ZNF804A: variants seen among roughly 807,000 people sequenced by gnomAD.
ZNF804A encodes the protein zinc finger protein 804A.
In ZNF804A, 2 loss-of-function variants were observed where a neutral mutation model predicts 16.5. That is an observed-to-expected ratio of 0.12 (90% CI 0.05 to 0.38). The LOEUF is 0.38. Among genes scored for constraint, ZNF804A ranks in the 10% least tolerant of loss-of-function variants. The probability of loss-of-function intolerance (pLI) is 0.99; values close to 1 mark genes in which losing one functional copy is unlikely to be tolerated. For synonymous variants in ZNF804A, 534 were observed against 489.6 expected (o/e 1.09, Z -1.20); for missense variants, 1,473 against 1,390.7 (o/e 1.06, Z -0.94).
intron 2 of ZNF804A, among the ~76,000 whole-genome samples, chr2:184,917,573 A>G (rs1273240082): frequency 6.6e-6 from 1 of 152,076 alleles, no homozygotes; most frequent in Non-Finnish European, 1.5e-5. Context: ...AAAAAAGACC[A>G]TATTCCCAAA....
At chr2:184,840,261 C>T (rs1349693475) in intron 1 of ZNF804A, among the ~76,000 whole-genome samples, 1 of 151,982 alleles carries the variant, frequency 6.6e-6, no homozygotes, top group African/African-American at 2.4e-5. Context: ...ATGGTGGCAC[C>T]CACCTGTAAT....
intron 2 of ZNF804A, among the ~76,000 whole-genome samples, chr2:184,869,616 T>A (rs1026017917): frequency 6.6e-6 from 1 of 152,046 alleles, no homozygotes; most frequent in Non-Finnish European, 1.5e-5. Flanking sequence ...TTATTATTAT[T>A]ACTTACTAAA....
At chr2:184,690,154 C>T (rs1692705946) in intron 1 of ZNF804A, among the ~76,000 whole-genome samples, 1 of 149,896 alleles carries the variant, frequency 6.7e-6, no homozygotes, top group South Asian at 2.1e-4. Flanking sequence ...GTTTGCCCTA[C>T]CGATGAAAAT....
At chr2:184,858,841 A>T (rs1224371729) in intron 1 of ZNF804A, among the ~76,000 whole-genome samples, 1 of 152,166 alleles carries the variant, frequency 6.6e-6, no homozygotes, top group Non-Finnish European at 1.5e-5. Flanking sequence ...TTTGTAAGAC[A>T]AGTCTAATGA....
At chr2:184,828,797 T>G (rs1055679838) in intron 1 of ZNF804A, among the ~76,000 whole-genome samples, 2 of 151,878 alleles carry the variant, frequency 1.3e-5, no homozygotes, top group Non-Finnish European at 1.5e-5. Context: ...CTTTTCTAGA[T>G]TTCAGTTAAA....
chr2:184,796,521 T>A (rs952433173), intron 1 of ZNF804A, among the ~76,000 whole-genome samples: 6 of 152,194 alleles, frequency 3.9e-5, no homozygotes, highest in African/African-American at 1.2e-4. Context: ...ATAAAAGTGT[T>A]CATAGTGGCC....
intron 1 of ZNF804A, among the ~76,000 whole-genome samples, chr2:184,628,400 AG>A (rs1691543705): frequency 6.6e-6 from 1 of 152,198 alleles, no homozygotes; most frequent in Non-Finnish European, 1.5e-5. Context: ...ATTGTTTAAA[AG>A]CAGATATGGA....
chr2:184,791,220 T>C (rs1483592445), intron 1 of ZNF804A, among the ~76,000 whole-genome samples: 1 of 152,160 alleles, frequency 6.6e-6, no homozygotes, highest in Non-Finnish European at 1.5e-5. Flanking sequence ...TGTAGTGTTG[T>C]TGGCTAGTTG....
chr2:184,862,467 C>T (rs942836509), intron 1 of ZNF804A, among the ~76,000 whole-genome samples: 4 of 152,120 alleles, frequency 2.6e-5, no homozygotes, highest in Non-Finnish European at 5.9e-5. Flanking sequence ...AAGTCTGGCT[C>T]AAATGTTTGT....
intron 2 of ZNF804A, among the ~76,000 whole-genome samples, chr2:184,917,467 G>GT (rs951822187): frequency 2.6e-5 from 4 of 152,004 alleles, no homozygotes; most frequent in Non-Finnish European, 5.9e-5. Flanking sequence ...ACAAATATGT[G>GT]TGTGTGTGTA....
At chr2:184,844,208 C>A (rs1406833973) in intron 1 of ZNF804A, among the ~76,000 whole-genome samples, 1 of 150,192 alleles carries the variant, frequency 6.7e-6, no homozygotes, top group Non-Finnish European at 1.5e-5. Flanking sequence ...TGCTGTGATT[C>A]ATTTCATTTA....
intron 2 of ZNF804A, among the ~76,000 whole-genome samples, chr2:184,873,181 C>A (rs1696000560): frequency 6.6e-6 from 1 of 152,054 alleles, no homozygotes; most frequent in Non-Finnish European, 1.5e-5. Context: ...ATTTTTGTGA[C>A]ATTGGGGTAT....
At chr2:184,653,860 A>G (rs999846762) in intron 1 of ZNF804A, among the ~76,000 whole-genome samples, 1 of 152,160 alleles carries the variant, frequency 6.6e-6, no homozygotes, top group African/African-American at 2.4e-5. Flanking sequence ...GAAGCTTCTG[A>G]TTACCAACTT....
chr2:184,715,017 T>C (rs1287243331), intron 1 of ZNF804A, among the ~76,000 whole-genome samples: 1 of 152,274 alleles, frequency 6.6e-6, no homozygotes, highest in Non-Finnish European at 1.5e-5. Context: ...TTTAGCCTTC[T>C]TCCATATAAG....
intron 2 of ZNF804A, among the ~76,000 whole-genome samples, chr2:184,899,218 A>G (rs189127221): frequency 1.8e-3 from 267 of 152,086 alleles, no homozygotes; most frequent in Non-Finnish European, 3.1e-3. Flanking sequence ...TATGTATTTA[A>G]ATATAAGATG....
chr2:184,724,177 G>T (rs1294881856), intron 1 of ZNF804A, among the ~76,000 whole-genome samples: 1 of 151,666 alleles, frequency 6.6e-6, no homozygotes, highest in Admixed American at 6.6e-5. Context: ...GCTTCAAGCA[G>T]CTGGTAGTAA....
chr2:184,686,081 C>A (rs532777406), intron 1 of ZNF804A, among the ~76,000 whole-genome samples: 6 of 152,348 alleles, frequency 3.9e-5, no homozygotes, highest in Admixed American at 3.9e-4. Context: ...AACTTTGCTC[C>A]ACACTGGAGT....
intron 2 of ZNF804A, among the ~76,000 whole-genome samples, chr2:184,905,538 C>T (rs767512249): frequency 6.6e-6 from 1 of 151,858 alleles, no homozygotes; most frequent in Non-Finnish European, 1.5e-5. Context: ...TTAGTGTTAC[C>T]GATTATCTCA....
At chr2:184,695,648 C>A (rs1057168645) in intron 1 of ZNF804A, among the ~76,000 whole-genome samples, 4 of 151,656 alleles carry the variant, frequency 2.6e-5, no homozygotes, top group African/African-American at 4.8e-5. Flanking sequence ...GAACTCTTGG[C>A]CAAAAGCAAT....
Sources: gnomAD v4.1 joint callset for allele counts (sites outside exome capture counted in the v4.1 genomes callset) on GRCh38, gnomAD v4.1.1 for gene constraint, MANE v1.5 for transcripts, NCBI Gene and HGNC (gene_info 2026-07-23, HGNC 2026-07-21) for gene names.